MLLT3: variants seen among roughly 807,000 people sequenced by gnomAD.
The protein encoded by MLLT3 is protein AF-9.
Under a neutral mutation model 53.2 loss-of-function variants are expected in MLLT3, and 4 were observed. The observed-to-expected ratio is 0.08, with a 90% CI of 0.04 to 0.17. The LOEUF (loss-of-function observed/expected upper bound fraction) is 0.17, where lower values mean the gene tolerates loss of function less well. MLLT3 is among the 10% of genes least tolerant of loss of function. The pLI, the probability that MLLT3 is intolerant of heterozygous loss-of-function variation, is 1.00. For synonymous variants in MLLT3, 283 were observed against 230.6 expected (o/e 1.23, Z -2.06); for missense variants, 569 against 684.0 (o/e 0.83, Z 1.87).
chr9:20,400,514 G>A (rs1822428713), intron 5 of MLLT3, among the ~76,000 whole-genome samples: 1 of 151,902 alleles, frequency 6.6e-6, no homozygotes, highest in South Asian at 2.1e-4. Flanking sequence ...TTTTAAAAAA[G>A]TCCTTATCTT....
In MLLT3 at chr9:20,420,087, G is replaced by A. The variant is rs531724140; in HGVS notation, c.421-5662C>T. ...AAGTGGAATAAAAATTGGATTATGA[G>A]CAATTAGAAAGGAAGGTGGTCATTT... On this transcript the variant is annotated intron_variant, in intron 4 of 10. Transcript: ENST00000380338. 5.6e-3 allele frequency among the ~76,000 whole-genome samples: 840 copies of A among 149,092 alleles called. 10 individuals carry two copies. Among genetic ancestry groups the A allele is most frequent in the African/African-American group, 0.02 (765 of 39,064 alleles).
intron 2 of MLLT3, among the ~76,000 whole-genome samples, chr9:20,528,064 A>G (rs1360833765): frequency 6.6e-6 from 1 of 152,262 alleles, no homozygotes; most frequent in African/African-American, 2.4e-5. Context: ...TCTTCAACAA[A>G]ATAGTTCCAG....
At chr9:20,438,039 T>C (rs80341686) in intron 4 of MLLT3, among the ~76,000 whole-genome samples, 44 of 152,238 alleles carry the variant, frequency 2.9e-4, no homozygotes, top group Non-Finnish European at 5.0e-4. Flanking sequence ...TTTATAGATA[T>C]CTATGAATGC....
intron 5 of MLLT3, among the ~76,000 whole-genome samples, chr9:20,377,922 T>C (rs1045888906): frequency 6.6e-6 from 1 of 152,076 alleles, no homozygotes; most frequent in African/African-American, 2.4e-5. Context: ...CTACTGATAG[T>C]TGCAAGGGTT....
chr9:20,427,985 A>G (rs1409694079), intron 4 of MLLT3, among the ~76,000 whole-genome samples: 1 of 152,090 alleles, frequency 6.6e-6, no homozygotes, highest in African/African-American at 2.4e-5. Flanking sequence ...GTTGCATAGG[A>G]TGGCAGAAAT....
rs553800634 is a variant in MLLT3, at chr9:20,449,512, T to C, written c.277-1246A>G. Among the ~76,000 whole-genome samples, 6 of 152,352 alleles carry C rather than the reference T, an allele frequency of 3.9e-5. No individual in the cohort carries two copies. The South Asian group carries it at 1.0e-3, about 26-fold the overall frequency. ...GACTCAAGATAATAATGACATCTCA[T>C]TTAATTCTCGCTGCTCTCTTTGGGG... is the stretch of plus-strand genomic sequence containing the variant. On this transcript the variant is annotated intron_variant, in intron 3 of 10. Transcript: ENST00000380338.
chr9:20,360,060 A>G (rs1403276769), intron 8 of MLLT3, among the ~76,000 whole-genome samples: 2 of 152,196 alleles, frequency 1.3e-5, no homozygotes, highest in Non-Finnish European at 2.9e-5. Context: ...TTGACTATCA[A>G]ATTAATAAGC....
At chr9:20,434,452 A>G (rs1823352475) in intron 4 of MLLT3, among the ~76,000 whole-genome samples, 1 of 152,166 alleles carries the variant, frequency 6.6e-6, no homozygotes, top group Admixed American at 6.5e-5. Flanking sequence ...CCACATCTCA[A>G]TCTATGCACA....
chr9:20,622,194 G>C, intron 1 of MLLT3, 51 bp downstream of exon 1: 1 of 1,550,224 alleles, frequency 6.5e-7, no homozygotes, highest in Non-Finnish European at 8.9e-7. Flanking sequence ...GGCGCAGGGC[G>C]AGGAAGGAAA....
chr9:20,353,079 A>T (rs1821075531), intron 10 of MLLT3, among the ~76,000 whole-genome samples: 2 of 152,182 alleles, frequency 1.3e-5, no homozygotes, highest in African/African-American at 4.8e-5. Context: ...GAAATGAAGA[A>T]AATATTTATT....
intron 10 of MLLT3, among the ~76,000 whole-genome samples, chr9:20,348,273 A>G (rs905999743): frequency 6.6e-6 from 1 of 152,142 alleles, no homozygotes; most frequent in Non-Finnish European, 1.5e-5. Context: ...GAGCTGCCCA[A>G]CTACAATGTT....
intron 8 of MLLT3, among the ~76,000 whole-genome samples, chr9:20,355,994 A>C (rs1242278306): frequency 6.6e-6 from 1 of 152,170 alleles, no homozygotes; most frequent in Non-Finnish European, 1.5e-5. Context: ...GCCCAAGTTC[A>C]AGTCCCAGCC....
At chr9:20,510,098 C>T (rs769700240) in intron 2 of MLLT3, among the ~76,000 whole-genome samples, 8 of 151,734 alleles carry the variant, frequency 5.3e-5, no homozygotes, top group East Asian at 1.9e-4. Flanking sequence ...TTCTGCTTGG[C>T]GAAAGAGCAA....
chr9:20,607,618 A>C (rs1820602287), intron 2 of MLLT3, among the ~76,000 whole-genome samples: 1 of 152,130 alleles, frequency 6.6e-6, no homozygotes, highest in Non-Finnish European at 1.5e-5. Context: ...TCTAAGGTAG[A>C]GTTAATCTAT....
At position 20,542,751 on chromosome 9, in the gene MLLT3, G is replaced by C. The variant is rs544195829; in HGVS notation, c.193+77903C>G. ...ATGAGCAGTGGCCCTTAACAAGAAA[G>C]CCATCCTGTCCTTTGAAGATTTGAA... On this transcript the variant is annotated intron_variant, in intron 2 of 10. Transcript: ENST00000380338. 5.8e-4 allele frequency among the ~76,000 whole-genome samples: 89 copies of C among 152,272 alleles called. 1 individual carries two copies. The highest frequency in any genetic ancestry group is 1.9e-3 in the African/African-American group (81 of 41,564).
chr9:20,614,729 C>T (rs1010421875), intron 2 of MLLT3, among the ~76,000 whole-genome samples: 5 of 152,088 alleles, frequency 3.3e-5, no homozygotes, highest in African/African-American at 4.8e-5. Context: ...AATTTCCCAG[C>T]TTCTATGACA....
chr9:20,389,874 T>C (rs895389098), intron 5 of MLLT3, among the ~76,000 whole-genome samples: 1 of 152,254 alleles, frequency 6.6e-6, no homozygotes, highest in Non-Finnish European at 1.5e-5. Flanking sequence ...AAAAGTTACA[T>C]TGAACATATA....
Position 20,592,533 on chromosome 9 carries a change from A to T in MLLT3, c.193+28121T>A, listed in dbSNP as rs916658666. Among the ~76,000 whole-genome samples the T allele has an allele frequency of 5.3e-5, 8 of 152,274 alleles. No homozygotes were observed. The East Asian group carries it at 1.3e-3, about 26-fold the overall frequency. ...TCATATTAGATTAGGTCCTACCCCAATGACCTCATTTTACCTTAATTACTT... is the reference window on the plus strand; with the variant it reads ...TCATATTAGATTAGGTCCTACCCCATTGACCTCATTTTACCTTAATTACTT... On this transcript the variant is annotated intron_variant, in intron 2 of 10. Coordinates refer to ENST00000380338, the MANE Select transcript of MLLT3 (RefSeq NM_004529.4).
chr9:20,606,815 G>C (rs898540010), intron 2 of MLLT3, among the ~76,000 whole-genome samples: 1 of 152,012 alleles, frequency 6.6e-6, no homozygotes, highest in African/African-American at 2.4e-5. Flanking sequence ...AAAGCCCCAC[G>C]TTTGCTGGCC....
Sources: allele counts gnomAD v4.1 joint callset (sites outside exome capture counted in the v4.1 genomes callset), GRCh38; gene constraint gnomAD v4.1.1; transcripts MANE v1.5; gene names NCBI Gene and HGNC (gene_info 2026-07-23, HGNC 2026-07-21).